The following IKBKB-DT variants were observed in gnomAD, a reference collection of about 807,000 sequenced individuals.
IKBKB-DT encodes the protein IKBKB antisense RNA.
At position 42,249,606 on chromosome 8, in the gene IKBKB-DT, G is replaced by A. The variant is rs528692129; in HGVS notation, n.1529+13723C>T. Among the ~76,000 whole-genome samples the A allele has an allele frequency of 3.9e-5, 6 of 152,132 alleles. No homozygotes were observed. In the East Asian group the frequency reaches 1.2e-3, roughly 29 times the overall value. ...ACTAGAAGGCCATGCATTCAAAAAG[G>A]CCCTGGAGAGAAATGCAGAGGCTAG... On this transcript the variant is annotated intron_variant and non_coding_transcript_variant, in intron 3 of 3. Coordinates refer to ENST00000518213, the Ensembl canonical transcript of IKBKB-DT.
chr8:42,235,685 C>T (rs1401069885), intron 3 of IKBKB-DT, among the ~76,000 whole-genome samples: 1 of 152,192 alleles, frequency 6.6e-6, no homozygotes, highest in Non-Finnish European at 1.5e-5. Context: ...TTGAAAACCT[C>T]CTAACCTCCA....
intron 3 of IKBKB-DT, among the ~76,000 whole-genome samples, chr8:42,236,836 A>G (rs1302359078): frequency 6.6e-6 from 1 of 152,218 alleles, no homozygotes; most frequent in Admixed American, 6.5e-5. Flanking sequence ...TTTCAAGAGC[A>G]AATACAAAAA....
At chr8:42,245,152 G>C (rs1456709748) in intron 3 of IKBKB-DT, among the ~76,000 whole-genome samples, 1 of 152,110 alleles carries the variant, frequency 6.6e-6, no homozygotes, top group Non-Finnish European at 1.5e-5. Context: ...CTACTCAGGA[G>C]GCTGAGGCAG....
chr8:42,255,235 T>C (rs750949574), intron 3 of IKBKB-DT: 4 of 152,240 alleles, frequency 2.6e-5, no homozygotes, highest in Non-Finnish European at 5.9e-5. Flanking sequence ...GTGACAGCCT[T>C]GTTTGTGATC....
At chr8:42,264,837 G>T (rs1242259887) in intron 2 of IKBKB-DT, among the ~76,000 whole-genome samples, 1 of 150,850 alleles carries the variant, frequency 6.6e-6, no homozygotes, top group Non-Finnish European at 1.5e-5. Flanking sequence ...GGGATTACAG[G>T]TGTGAGCCAC....
chr8:42,235,568 A>G (rs1415231728), intron 3 of IKBKB-DT, among the ~76,000 whole-genome samples: 1 of 152,116 alleles, frequency 6.6e-6, no homozygotes, highest in Non-Finnish European at 1.5e-5. Flanking sequence ...GGCCCCACCC[A>G]GGAACTGACA....
chr8:42,251,839 AAAAAG>A (rs1554503180), intron 3 of IKBKB-DT, among the ~76,000 whole-genome samples: 5 of 151,312 alleles, frequency 3.3e-5, no homozygotes, highest in South Asian at 2.1e-4. Flanking sequence ...AAAAAAAAAA[AAAAAG>A]AAAAGAAAAG....
intron 3 of IKBKB-DT, among the ~76,000 whole-genome samples, chr8:42,243,723 C>G (rs1170083520): frequency 1.3e-5 from 2 of 152,110 alleles, no homozygotes; most frequent in Admixed American, 1.3e-4. Context: ...CAGTTTGTAA[C>G]CGGTAGTGAG....
chr8:42,250,629 G>C lies in IKBKB-DT; in HGVS notation n.1529+12700C>G, dbSNP rs535587346. 2.1e-4 allele frequency among the ~76,000 whole-genome samples: 32 copies of C among 152,344 alleles called. No individual in the cohort carries two copies. In the East Asian group the frequency reaches 3.5e-3, roughly 17 times the overall value. Reference sequence around the variant, plus strand: ...AAGGGCAGCCAGAAGGCCAAAGACAGGGCCGGGAGGGGTGAGGAGGTGGGG... The same window carrying C: ...AAGGGCAGCCAGAAGGCCAAAGACACGGCCGGGAGGGGTGAGGAGGTGGGG... On this transcript the variant is annotated intron_variant and non_coding_transcript_variant, in intron 3 of 3. Coordinates refer to ENST00000518213, the Ensembl canonical transcript of IKBKB-DT.
At position 42,250,742 on chromosome 8, in the gene IKBKB-DT, T is replaced by G. The variant is rs181049478; in HGVS notation, n.1529+12587A>C. Among the ~76,000 whole-genome samples, 723 of 152,190 alleles carry G rather than the reference T, an allele frequency of 4.8e-3. 11 individuals are homozygous for G. Among genetic ancestry groups the G allele is most frequent in the African/African-American group, 0.017 (691 of 41,514 alleles). On this transcript the variant is annotated intron_variant and non_coding_transcript_variant, in intron 3 of 3. Transcript: ENST00000518213. Reference sequence around the variant, plus strand: ...ACTGATATACTTTTTGTAAAGGTGGTTTCAGTGGTGTGTGTCTGTAATTCC... The same window carrying G: ...ACTGATATACTTTTTGTAAAGGTGGGTTCAGTGGTGTGTGTCTGTAATTCC...
chr8:42,263,186 T>C (rs1203625062), intron 3 of IKBKB-DT: 3 of 152,148 alleles, frequency 2.0e-5, no homozygotes, highest in African/African-American at 7.2e-5. Flanking sequence ...TAATTTTTTG[T>C]ATTTTTAGTA....
chr8:42,249,588 G>C (rs1232674253), intron 3 of IKBKB-DT, among the ~76,000 whole-genome samples: 1 of 152,050 alleles, frequency 6.6e-6, no homozygotes, highest in African/African-American at 2.4e-5. Context: ...TCTACTAGAA[G>C]GCCATGCATT....
intron 1 of IKBKB-DT, among the ~76,000 whole-genome samples, chr8:42,267,633 T>A (rs1024275085): frequency 6.6e-6 from 1 of 152,090 alleles, no homozygotes; most frequent in Non-Finnish European, 1.5e-5. Context: ...TTGATTTCCC[T>A]ATAGCACAGC....
At chr8:42,243,001 G>C (rs1344250079) in intron 3 of IKBKB-DT, among the ~76,000 whole-genome samples, 1 of 152,220 alleles carries the variant, frequency 6.6e-6, no homozygotes, top group Admixed American at 6.5e-5. Flanking sequence ...CCAGCTTAGG[G>C]GAAGAAGCAT....
At chr8:42,248,579 T>C (rs1289779379) in intron 3 of IKBKB-DT, among the ~76,000 whole-genome samples, 1 of 152,160 alleles carries the variant, frequency 6.6e-6, no homozygotes, top group East Asian at 1.9e-4. Flanking sequence ...TGGGTATGCC[T>C]TTTTTTAAGA....
At chr8:42,242,042 C>G (rs528325059) in intron 3 of IKBKB-DT, among the ~76,000 whole-genome samples, 4 of 152,126 alleles carry the variant, frequency 2.6e-5, no homozygotes, top group Non-Finnish European at 5.9e-5. Flanking sequence ...TGGTGAAACC[C>G]CATCTCTACT....
intron 3 of IKBKB-DT, among the ~76,000 whole-genome samples, chr8:42,258,994 A>G (rs1807245160): frequency 6.6e-6 from 1 of 151,954 alleles, no homozygotes; most frequent in South Asian, 2.1e-4. Flanking sequence ...TTTTCGAAAC[A>G]TATATTTTTT....
At chr8:42,241,433 T>A (rs1003746585) in intron 3 of IKBKB-DT, among the ~76,000 whole-genome samples, 2 of 152,000 alleles carry the variant, frequency 1.3e-5, no homozygotes, top group South Asian at 4.2e-4. Context: ...TTTGCTGCTA[T>A]AAGAGTTTTC....
chr8:42,236,155 C>T (rs1460182056), intron 3 of IKBKB-DT, among the ~76,000 whole-genome samples: 2 of 151,856 alleles, frequency 1.3e-5, no homozygotes, highest in Non-Finnish European at 2.9e-5. Context: ...GATTAAGCAT[C>T]ACTTCTCTCT....
Sources: gnomAD v4.1 joint callset for allele counts (sites outside exome capture counted in the v4.1 genomes callset) on GRCh38, gnomAD v4.1.1 for gene constraint, MANE v1.5 for transcripts, NCBI Gene and HGNC (gene_info 2026-07-23, HGNC 2026-07-21) for gene names.